HNF1A: variants seen among roughly 807,000 people sequenced by gnomAD.
HNF1A encodes the protein HNF1 homeobox A, also known as hepatocyte nuclear factor 1-alpha.
A neutral mutation model predicts 62.2 loss-of-function variants in HNF1A; 21 were observed. That is an observed-to-expected ratio of 0.34 (90% CI 0.24 to 0.49). The LOEUF (loss-of-function observed/expected upper bound fraction) is 0.49. Ranked by LOEUF, HNF1A falls within the 20% of genes least tolerant of loss-of-function variation. The pLI is 0.99. For missense variants in HNF1A, 687 were observed against 832.3 expected (o/e 0.83, Z 2.15); for synonymous variants, 374 against 366.8 (o/e 1.02, Z -0.22).
rs1877445147 is a variant in HNF1A at position 121,001,120 on chromosome 12, C to G, written c.1824C>G (p.Ser608Arg). 1.2e-6 allele frequency: 2 copies of G among 1,613,870 alleles called. No homozygotes were observed. Among genetic ancestry groups the G allele is most frequent in the African/African-American group, 2.7e-5 (2 of 74,938 alleles). The change falls in exon 10 of 10, where the codon AGC becomes AGG. Residue 608 changes from serine to arginine, a missense_variant. By Grantham distance (110) the Ser-to-Arg change is moderately radical. Coordinates refer to ENST00000257555, the MANE Select transcript of HNF1A (RefSeq NM_000545.8). ...YQSSDSSNGQ[S>R]HLLPSNHSVI... ...GCTCAGACTCCAGCAATGGCCAGAGCCACCTGCTGCCATCCAACCACAGCG... is the reference window on the plus strand; with the variant it reads ...GCTCAGACTCCAGCAATGGCCAGAGGCACCTGCTGCCATCCAACCACAGCG...
chr12:120,988,046 A>C, intron 1 of HNF1A, among the ~76,000 whole-genome samples: 2 of 135,898 alleles, frequency 1.5e-5, no homozygotes, highest in Non-Finnish European at 1.6e-5. Flanking sequence ...CCATTCATCC[A>C]ACCATCCATC....
rs766320269 is a variant in HNF1A at position 120,996,655 on chromosome 12, C to T, written c.1222C>T (p.Leu408Phe). Residue 408 changes from leucine to phenylalanine, a missense_variant, in exon 6 of 10, where the codon CTT (leucine) becomes TTT (phenylalanine). Coordinates refer to ENST00000257555, the MANE Select transcript of HNF1A (RefSeq NM_000545.8). This position sits in a 1 kb window ranked among gnomAD's most constrained non-coding sequence, Gnocchi z 4.5. The part of the protein sequence containing the change: ...QQPQNLIMAS[L>F]PGVMTIGPGE... ...GCCCCAGAACCTCATCATGGCCTCACTTCCTGGGGTCATGACCATCGGGCC... is the reference window on the plus strand; with the variant it reads ...GCCCCAGAACCTCATCATGGCCTCATTTCCTGGGGTCATGACCATCGGGCC... 3 of 1,614,040 alleles carry T rather than the reference C, an allele frequency of 1.9e-6. No homozygotes were observed. Among genetic ancestry groups the T allele is most frequent in the South Asian group, 2.2e-5 (2 of 91,086 alleles).
chr12:121,001,037 T>C, intron 9 of HNF1A, 28 bp from the exon 10 acceptor site: 1 of 1,611,562 alleles, frequency 6.2e-7, no homozygotes, highest in Non-Finnish European at 8.5e-7. Context: ...GCCTGGTGGG[T>C]GGCTAGCAGC....
intron 1 of HNF1A, chr12:120,980,883 G>A (rs1876219722): frequency 6.6e-6 from 1 of 151,916 alleles, no homozygotes; most frequent in Non-Finnish European, 1.5e-5. Flanking sequence ...GCTGGGAGAA[G>A]GGGCACGGGA....
intron 1 of HNF1A, among the ~76,000 whole-genome samples, chr12:120,984,553 G>A (rs1254505044): frequency 6.6e-6 from 1 of 152,096 alleles, no homozygotes; most frequent in Non-Finnish European, 1.5e-5. Flanking sequence ...AGATGGGGGA[G>A]GGGAGGCATC....
chr12:120,999,435 C>T, intron 8 of HNF1A, 46 bp downstream of exon 8: 3 of 1,613,712 alleles, frequency 1.9e-6, no homozygotes, highest in Non-Finnish European at 2.5e-6. Flanking sequence ...TGACAGAGCC[C>T]CTCACCCCCA....
chr12:121,001,852 C>T lies in HNF1A; in HGVS notation c.*660C>T, dbSNP rs937579196. The T allele has an allele frequency of 2.7e-5, 14 of 525,930 alleles. No individual in the cohort carries two copies. Among genetic ancestry groups the T allele is most frequent in the Non-Finnish European group, 4.8e-5 (13 of 271,028 alleles). The allele number at this position is 525,930 out of a possible 1,614,324, so 32.6% of individuals were successfully genotyped here. A position where few individuals can be genotyped will look rare whatever the true frequency, so the allele number is the denominator to read the frequency against. ...AAGGCAGGCAGGGCTCTCCTGGCTTCCCATCCCCAGCGATTCCCTCTCCCA... is the reference window on the plus strand; with the variant it reads ...AAGGCAGGCAGGGCTCTCCTGGCTTTCCATCCCCAGCGATTCCCTCTCCCA... On this transcript the variant is annotated 3_prime_UTR_variant, in exon 10 of 10. Transcript: ENST00000257555.
intron 1 of HNF1A, among the ~76,000 whole-genome samples, chr12:120,980,214 G>A (rs1287744159): frequency 1.3e-5 from 2 of 152,184 alleles, no homozygotes; most frequent in African/African-American, 2.4e-5. Context: ...TCACCAAACT[G>A]AGGCCCCAAA....
In HNF1A at chr12:120,999,496, A is replaced by C. The variant is rs984428675; in HGVS notation, c.1637A>C (p.Asp546Ala). 9 of 1,613,560 alleles carry C rather than the reference A, an allele frequency of 5.6e-6. No homozygotes were observed. Among genetic ancestry groups the C allele is most frequent in the African/African-American group, 4.0e-5 (3 of 74,884 alleles). Residue 546 changes from aspartate to alanine, a missense_variant, in exon 9 of 10, where the codon GAC becomes GCC. Asp to Ala is a moderately radical substitution (Grantham distance 126, BLOSUM62 -2). Coordinates refer to ENST00000257555, the MANE Select transcript of HNF1A (RefSeq NM_000545.8). ...LTPTKQVFTS[D>A]TEASSESGLH... ...CTGCTCCCCCAGGTCTTCACCTCAG[A>C]CACTGAGGCCTCCAGTGAGTCCGGG...
At chr12:120,986,837 C>A (rs1271582019) in intron 1 of HNF1A, among the ~76,000 whole-genome samples, 2 of 152,166 alleles carry the variant, frequency 1.3e-5, no homozygotes, top group African/African-American at 2.4e-5. Flanking sequence ...GACCCGCCCA[C>A]CTTGGCCTCC....
chr12:120,986,864 C>T (rs1565882680), intron 1 of HNF1A, among the ~76,000 whole-genome samples: 1 of 152,146 alleles, frequency 6.6e-6, no homozygotes, highest in Non-Finnish European at 1.5e-5. Context: ...GCTGGGATTA[C>T]AGGTGTGAGT....
intron 2 of HNF1A, among the ~76,000 whole-genome samples, chr12:120,991,733 C>T (rs1055156312): frequency 6.6e-6 from 1 of 152,162 alleles, no homozygotes; most frequent in African/African-American, 2.4e-5. Flanking sequence ...CTCTACTGTG[C>T]TGTAATACAC....
chr12:120,984,841 A>G (rs1162815757), intron 1 of HNF1A, among the ~76,000 whole-genome samples: 2 of 152,080 alleles, frequency 1.3e-5, no homozygotes, highest in Non-Finnish European at 2.9e-5. Context: ...CTCCTCTGCA[A>G]AATGGGCACA....
In HNF1A at chr12:120,999,171, C is replaced by A. The variant is rs552353908; in HGVS notation, c.1502-97C>A. On this transcript the variant is annotated intron_variant, in intron 7 of 9. Transcript: ENST00000257555. ...CCAACTGCTGCCCAGTCTGGCTGTTCAGCAGGCCCCATGCCCCCCTTTCCC... is the reference window on the plus strand; with the variant it reads ...CCAACTGCTGCCCAGTCTGGCTGTTAAGCAGGCCCCATGCCCCCCTTTCCC... The A allele has an allele frequency of 1.8e-4, 267 of 1,461,062 alleles. 1 individual carries two copies. In the South Asian group the frequency reaches 2.9e-3, roughly 16 times the overall value. 90.5% of individuals were successfully genotyped at this position (1,461,062 alleles called of 1,614,324 possible).
intron 1 of HNF1A, among the ~76,000 whole-genome samples, chr12:120,983,916 CTGTGTG>C (rs61680384): frequency 0.29 from 40,258 of 137,294 alleles, 6,058 homozygotes; most frequent in Middle Eastern, 0.49. Flanking sequence ...CTTGAAGACT[CTGTGTG>C]TGTGTGTGTG....
At chr12:120,984,091 C>T (rs933645962) in intron 1 of HNF1A, among the ~76,000 whole-genome samples, 10 of 152,060 alleles carry the variant, frequency 6.6e-5, no homozygotes, top group Non-Finnish European at 1.2e-4. Context: ...AAGACATGCC[C>T]TCTTGGTTCT....
chr12:120,994,122 T>G (rs751077531), intron 3 of HNF1A, 42 bp from the exon 4 acceptor site: 22 of 1,603,462 alleles, frequency 1.4e-5, no homozygotes, highest in Non-Finnish European at 1.8e-5. Flanking sequence ...ACAGGGTTCC[T>G]CTGAGCCTGG....
chr12:121,001,756 C>A lies in HNF1A; in HGVS notation c.*564C>A. The A allele has an allele frequency of 1.9e-6, 1 of 534,616 alleles. No individual in the cohort carries two copies. Among genetic ancestry groups the A allele is most frequent in the Non-Finnish European group, 3.6e-6 (1 of 275,616 alleles). 33.1% of individuals were successfully genotyped at this position (534,616 alleles called of 1,614,324 possible). ...CCATCACCTACTCACACAGGCATTT[C>A]CTGGGTGGCTACTCTGTGCCAGAGC... On this transcript the variant is annotated 3_prime_UTR_variant, in exon 10 of 10. Transcript: ENST00000257555.
intron 6 of HNF1A, 104 bp from the exon 7 acceptor site, chr12:120,997,370 C>A: frequency 7.2e-7 from 1 of 1,388,816 alleles, no homozygotes; most frequent in South Asian, 1.4e-5. Context: ...CCCCCTCCTC[C>A]AAACCACGGG....
Sources: allele counts gnomAD v4.1 joint callset (sites outside exome capture counted in the v4.1 genomes callset), GRCh38; gene constraint gnomAD v4.1.1; non-coding constraint Gnocchi (gnomAD v3.1); transcripts MANE v1.5; gene names NCBI Gene and HGNC (gene_info 2026-07-23, HGNC 2026-07-21).